The following METTL16 variants were observed in gnomAD, a reference collection of about 807,000 sequenced individuals.
METTL16 encodes the protein RNA N(6)-adenosine-methyltransferase METTL16.
In METTL16, 19 loss-of-function variants were observed where a neutral mutation model predicts 57.9. The ratio of observed to expected loss-of-function variants is 0.33; its 90% CI spans 0.23 to 0.48. METTL16 has a LOEUF of 0.48. Ranked by LOEUF, METTL16 falls within the 20% of genes least tolerant of loss-of-function variation. The probability of loss-of-function intolerance (pLI) is 0.99; values close to 1 mark genes in which losing one functional copy is unlikely to be tolerated. For missense variants in METTL16, 434 were observed against 691.5 expected (o/e 0.63, Z 4.18); for synonymous variants, 246 against 255.6 (o/e 0.96, Z 0.36).
chr17:2,420,173 A>G lies in METTL16; in HGVS notation c.1486T>C (p.Phe496Leu). The G allele has an allele frequency of 6.2e-7, 1 of 1,614,138 alleles. No individual in the cohort carries two copies. The highest frequency in any genetic ancestry group is 8.5e-7 in the Non-Finnish European group (1 of 1,180,018). Reference protein sequence around the residue: ...GAQDQEASEQFGSPVAERGKR... With the variant: ...GAQDQEASEQLGSPVAERGKR... ...CCCCTTTCAGCCACTGGGCTGCCGA[A>G]CTGCTCAGAAGCCTCTTGGTCCTGG... is the stretch of plus-strand genomic sequence containing the variant. The change falls in exon 10 of 10, where the codon TTC becomes CTC. Residue 496 changes from phenylalanine (F) to leucine (L), a missense_variant. Transcript: ENST00000263092. The surrounding 1 kb of genome is among the most constrained non-coding windows in gnomAD (Gnocchi z 5.4).
Position 2,416,797 on chromosome 17 carries a change from T to C in METTL16, c.*3173A>G, listed in dbSNP as rs967628970. 2 of 152,122 alleles carry C rather than the reference T, an allele frequency of 1.3e-5. No individual in the cohort carries two copies. The highest frequency in any genetic ancestry group is 2.9e-5 in the Non-Finnish European group (2 of 68,064). The allele number at this position is 152,122 out of a possible 1,614,324, so 9.4% of individuals were successfully genotyped here. Reference sequence around the variant, plus strand: ...CCTCTGGACACCGGGAGAGTAACACTCAAGGTTATGACATATGAGTCAATA... The same window carrying C: ...CCTCTGGACACCGGGAGAGTAACACCCAAGGTTATGACATATGAGTCAATA... On this transcript the variant is annotated 3_prime_UTR_variant, in exon 10 of 10. Transcript: ENST00000263092.
Position 2,418,195 on chromosome 17 carries a change from A to T in METTL16, c.*1775T>A, listed in dbSNP as rs954164566. 2.7e-5 allele frequency: 2 copies of T among 74,984 alleles called. No homozygotes were observed. Among genetic ancestry groups the T allele is most frequent in the Non-Finnish European group, 4.5e-5 (2 of 44,318 alleles). 4.6% of individuals were successfully genotyped at this position (74,984 alleles called of 1,614,324 possible). A position where few individuals can be genotyped will look rare whatever the true frequency, so the allele number is the denominator to read the frequency against. The stretch of plus-strand genomic sequence containing the variant: ...TGGGAACCCTCTCTCCAGGAAAAAA[A>T]ATACACACACACACACACACACACA... On this transcript the variant is annotated 3_prime_UTR_variant, in exon 10 of 10. Coordinates refer to ENST00000263092, the MANE Select transcript of METTL16 (RefSeq NM_024086.4).
intron 8 of METTL16, among the ~76,000 whole-genome samples, chr17:2,422,556 G>C (rs1357427386): frequency 6.6e-6 from 1 of 151,686 alleles, no homozygotes; most frequent in Non-Finnish European, 1.5e-5. Flanking sequence ...ATTTTTAGTA[G>C]AGACGGGGTT....
chr17:2,473,474 A>C (rs781164171), intron 4 of METTL16, 50 bp downstream of exon 4: 1 of 1,551,184 alleles, frequency 6.4e-7, no homozygotes, highest in South Asian at 1.2e-5. Flanking sequence ...TTAAACTAAA[A>C]AGGCAGGTGA....
intron 2 of METTL16, among the ~76,000 whole-genome samples, chr17:2,487,137 T>C (rs2067349181): frequency 1.3e-5 from 2 of 151,996 alleles, no homozygotes; most frequent in Non-Finnish European, 2.9e-5. Flanking sequence ...ATATGTGAGC[T>C]AAGGGATGCT....
chr17:2,449,885 C>G (rs964891888), intron 6 of METTL16, among the ~76,000 whole-genome samples: 2 of 152,128 alleles, frequency 1.3e-5, no homozygotes, highest in Admixed American at 6.5e-5. Context: ...TAAGCACATG[C>G]GGATACTCCC....
chr17:2,424,783 C>CAA (rs2066804450), intron 8 of METTL16, among the ~76,000 whole-genome samples: 3 of 151,986 alleles, frequency 2.0e-5, no homozygotes, highest in African/African-American at 7.2e-5. Flanking sequence ...CCCATCTCTA[C>CAA]TAAAAATACA....
At chr17:2,458,731 C>G (rs528053005) in intron 6 of METTL16, among the ~76,000 whole-genome samples, 1 of 152,126 alleles carries the variant, frequency 6.6e-6, no homozygotes, top group South Asian at 2.1e-4. Flanking sequence ...TACACACACA[C>G]TCACACACAA....
chr17:2,456,633 C>T (rs1006423976), intron 6 of METTL16, among the ~76,000 whole-genome samples: 5 of 152,090 alleles, frequency 3.3e-5, no homozygotes, highest in Non-Finnish European at 7.4e-5. Context: ...TGCCACCACA[C>T]ACCAGGCTGA....
intron 7 of METTL16, 132 bp downstream of exon 7, chr17:2,441,358 T>A (rs1247994453): frequency 1.8e-6 from 1 of 563,396 alleles, no homozygotes; most frequent in Non-Finnish European, 2.9e-6. Flanking sequence ...CGACATGAAT[T>A]GTTCCGGTGA....
chr17:2,448,749 AAATAAAAT>A (rs2067037879), intron 6 of METTL16, among the ~76,000 whole-genome samples: 2 of 122,338 alleles, frequency 1.6e-5, no homozygotes, highest in African/African-American at 8.5e-5. Context: ...ATAAAAAAAA[AAATAAAAT>A]AAAAAAAATA....
chr17:2,478,299 A>G (rs1233811713), intron 2 of METTL16, among the ~76,000 whole-genome samples: 1 of 152,228 alleles, frequency 6.6e-6, no homozygotes, highest in Non-Finnish European at 1.5e-5. Context: ...GGTGCATAAT[A>G]ACTATTTTAC....
intron 2 of METTL16, among the ~76,000 whole-genome samples, chr17:2,481,776 T>C (rs189805488): frequency 5.4e-4 from 82 of 151,858 alleles, no homozygotes; most frequent in Admixed American, 2.3e-3. Context: ...TTTCCAGAAA[T>C]AGAAGGCTCA....
chr17:2,473,497 T>TGG, intron 4 of METTL16, 27 bp downstream of exon 4: 2 of 1,593,054 alleles, frequency 1.3e-6, no homozygotes, highest in Non-Finnish European at 1.7e-6. Flanking sequence ...ACACAAAGTT[T>TGG]GGAGGCATTC....
At chr17:2,502,146 T>G in intron 2 of METTL16, 58 bp downstream of exon 2, 1 of 1,567,964 alleles carries the variant, frequency 6.4e-7, no homozygotes, top group East Asian at 2.3e-5. Context: ...GGCTTTCTAT[T>G]ACATCATATC....
At chr17:2,465,688 C>A (rs2067188932) in intron 5 of METTL16, among the ~76,000 whole-genome samples, 2 of 151,104 alleles carry the variant, frequency 1.3e-5, no homozygotes, top group African/African-American at 2.4e-5. Flanking sequence ...CATGGTAAAA[C>A]CCTGTCTCTA....
At chr17:2,505,727 T>G (rs1018972377) in intron 1 of METTL16, among the ~76,000 whole-genome samples, 11 of 152,026 alleles carry the variant, frequency 7.2e-5, no homozygotes, top group South Asian at 2.1e-4. Flanking sequence ...CTGCATCCAC[T>G]CTTGTTCTCA....
chr17:2,426,593 G>A (rs1285644840), intron 8 of METTL16, among the ~76,000 whole-genome samples: 1 of 151,276 alleles, frequency 6.6e-6, no homozygotes, highest in African/African-American at 2.4e-5. Flanking sequence ...GTTGGGCATG[G>A]TGGCACGTGT....
Position 2,464,362 on chromosome 17 carries a change from C to CA in METTL16, c.586-13dup, listed in dbSNP as rs1464329909. 1.9e-6 allele frequency: 3 copies of CA among 1,582,660 alleles called. No individual in the cohort carries two copies. Among genetic ancestry groups the CA allele is most frequent in the Middle Eastern group, 3.4e-4 (2 of 5,896 alleles). ...CGTGAGTTTACTCCCTGAAAAACAA[C>CA]AAAAAACCCTGGTGAAAAATGTGTA... On this transcript the variant is annotated splice_polypyrimidine_tract_variant and intron_variant, in intron 5 of 9. Coordinates refer to ENST00000263092, the MANE Select transcript of METTL16 (RefSeq NM_024086.4).
Sources: allele counts gnomAD v4.1 joint callset (sites outside exome capture counted in the v4.1 genomes callset), GRCh38; gene constraint gnomAD v4.1.1; non-coding constraint Gnocchi (gnomAD v3.1); transcripts MANE v1.5; gene names NCBI Gene and HGNC (gene_info 2026-07-23, HGNC 2026-07-21).